The following MYT1 variants were observed in gnomAD, a reference collection of about 807,000 sequenced individuals.
MYT1 encodes the protein myelin transcription factor I.
Under a neutral mutation model 123.0 loss-of-function variants are expected in MYT1, and 23 were observed. The observed-to-expected ratio is 0.19, with a 90% CI of 0.13 to 0.26. MYT1 has a LOEUF of 0.26. Ranked by LOEUF, MYT1 falls within the 10% of genes least tolerant of loss-of-function variation. MYT1 has a pLI of 1.00. For synonymous variants in MYT1, 518 were observed against 575.3 expected (o/e 0.90, Z 1.43); for missense variants, 1,125 against 1,472.5 (o/e 0.76, Z 3.86).
At position 64,189,146 on chromosome 20, in the gene MYT1, A is replaced by G. The variant is rs1163296738; in HGVS notation, c.-98-917A>G. Reference sequence around the variant, plus strand: ...GAATTGCATTTGGGGATGCACATCAAAAACACGAGGAAAAGAAAGAAAGTG... The same window carrying G: ...GAATTGCATTTGGGGATGCACATCAGAAACACGAGGAAAAGAAAGAAAGTG... On this transcript the variant is annotated intron_variant, in intron 1 of 22. Coordinates refer to ENST00000328439, the MANE Select transcript of MYT1 (RefSeq NM_004535.3). The surrounding 1 kb of genome is among the most constrained non-coding windows in gnomAD (Gnocchi z 5.5). 2.0e-5 allele frequency among the ~76,000 whole-genome samples: 3 copies of G among 152,254 alleles called. No individual in the cohort carries two copies. Among genetic ancestry groups the G allele is most frequent in the Non-Finnish European group, 4.4e-5 (3 of 68,040 alleles).
At chr20:64,180,703 C>G (rs1223072954) in intron 1 of MYT1, among the ~76,000 whole-genome samples, 1 of 152,246 alleles carries the variant, frequency 6.6e-6, no homozygotes, top group Non-Finnish European at 1.5e-5. Context: ...GGCTCCAGAA[C>G]TGGACCTTTT....
At chr20:64,233,185 C>T (rs1223257162) in intron 19 of MYT1, among the ~76,000 whole-genome samples, 9 of 107,840 alleles carry the variant, frequency 8.3e-5, no homozygotes, top group Non-Finnish European at 1.5e-4. Context: ...CCCCTCTCCC[C>T]TTTCCTCCCC....
Position 64,198,928 on chromosome 20 carries a change from C to G in MYT1, c.55+12C>G. ...CAAGGCCCTGCGAGGTGAGTGCCGCCCTCCCCTCCTCCAGGGCTGTAAATG... is the reference window on the plus strand; with the variant it reads ...CAAGGCCCTGCGAGGTGAGTGCCGCGCTCCCCTCCTCCAGGGCTGTAAATG... On this transcript the variant is annotated intron_variant, in intron 3 of 22. Coordinates refer to ENST00000328439, the MANE Select transcript of MYT1 (RefSeq NM_004535.3). 6 of 1,613,688 alleles carry G rather than the reference C, an allele frequency of 3.7e-6. No individual in the cohort carries two copies. Among genetic ancestry groups the G allele is most frequent in the Non-Finnish European group, 5.1e-6 (6 of 1,179,634 alleles).
chr20:64,223,472 C>A (rs1984072855), intron 16 of MYT1, 113 bp downstream of exon 16: 2 of 1,198,128 alleles, frequency 1.7e-6, no homozygotes. Flanking sequence ...CCTCAGCTGG[C>A]CCCAGCTCTC....
intron 2 of MYT1, among the ~76,000 whole-genome samples, chr20:64,194,771 G>A (rs982499376): frequency 6.6e-6 from 1 of 152,188 alleles, no homozygotes; most frequent in Non-Finnish European, 1.5e-5. Context: ...GGTGGAAGTT[G>A]GCACAAAGCC....
In MYT1 at chr20:64,208,276, G is replaced by T. The variant is rs555145333; in HGVS notation, c.1080G>T (p.Lys360Asn). 49 of 1,614,194 alleles carry T rather than the reference G, an allele frequency of 3.0e-5. No homozygotes were observed. The South Asian group carries it at 5.1e-4, about 17-fold the overall frequency. ...AGGACGAGGACACCCACTCCCGGAA[G>T]TCAACAGTCACTGACGAGTCGGAGA... The part of the protein sequence containing the change: ...DDKDEDTHSR[K>N]STVTDESEMQ... Residue 360 changes from lysine to asparagine, a missense_variant, in exon 7 of 23, where the codon AAG (lysine) becomes AAT (asparagine). Transcript: ENST00000328439. The surrounding 1 kb of genome is among the most constrained non-coding windows in gnomAD (Gnocchi z 5.4).
At chr20:64,176,613 C>A (rs1982463315) in intron 1 of MYT1, among the ~76,000 whole-genome samples, 1 of 152,238 alleles carries the variant, frequency 6.6e-6, no homozygotes, top group South Asian at 2.1e-4. Flanking sequence ...AGCATTGAAC[C>A]CCACTTGGAG....
chr20:64,223,188 C>G lies in MYT1; in HGVS notation c.2459+15C>G. 3 of 1,614,196 alleles carry G rather than the reference C, an allele frequency of 1.9e-6. No individual in the cohort carries two copies. Among genetic ancestry groups the G allele is most frequent in the Non-Finnish European group, 2.5e-6 (3 of 1,180,032 alleles). On this transcript the variant is annotated intron_variant, in intron 15 of 22. Coordinates refer to ENST00000328439, the MANE Select transcript of MYT1 (RefSeq NM_004535.3). ...TCCCACCGCAGGTTTGTCTCCTGCT[C>G]GGGTCCGTCTGGCCTGGGTGCTTCG... is the stretch of plus-strand genomic sequence containing the variant.
Position 64,232,189 on chromosome 20 carries a change from C to T in MYT1, c.2701C>T (p.Leu901Phe). The T allele has an allele frequency of 6.2e-7, 1 of 1,613,098 alleles. No homozygotes were observed. The highest frequency in any genetic ancestry group is 8.5e-7 in the Non-Finnish European group (1 of 1,179,986). The change falls in exon 19 of 23, where the codon CTC becomes TTC. Residue 901 changes from leucine to phenylalanine, a missense_variant. Around this residue, in one of 4 missense-constraint regions of MYT1, gnomAD observed 243 missense variants for 323.1 expected, o/e 0.75. Coordinates refer to ENST00000328439, the MANE Select transcript of MYT1 (RefSeq NM_004535.3). The surrounding 1 kb of genome is among the most constrained non-coding windows in gnomAD (Gnocchi z 6.9). Reference sequence around the variant, plus strand: ...GTGCCCAGTTCCAGGCTGTGTGGGGCTCGGTCACATCAGCGGGAAATACGC... The same window carrying T: ...GTGCCCAGTTCCAGGCTGTGTGGGGTTCGGTCACATCAGCGGGAAATACGC... ...MKCPVPGCVGLGHISGKYASH... is the reference protein window; with the variant it reads ...MKCPVPGCVGFGHISGKYASH...
In MYT1 at chr20:64,213,629, A is replaced by G. The variant is rs11696694; in HGVS notation, c.1613A>G (p.Asn538Ser). 2 of 1,614,028 alleles carry G rather than the reference A, an allele frequency of 1.2e-6. No individual in the cohort carries two copies. Among genetic ancestry groups the G allele is most frequent in the African/African-American group, 1.3e-5 (1 of 75,030 alleles). Residue 538 changes from asparagine to serine, a missense_variant, in exon 10 of 23, where the codon AAT (asparagine) becomes AGT (serine). Transcript: ENST00000328439. This position sits in a 1 kb window ranked among gnomAD's most constrained non-coding sequence, Gnocchi z 5.6. Reference sequence around the variant, plus strand: ...GGAGATCCTTCCAAGAGTAGCTCCAATTCCGATCGGATCCTCAGGTGAGTG... The same window carrying G: ...GGAGATCCTTCCAAGAGTAGCTCCAGTTCCGATCGGATCCTCAGGTGAGTG... ...QTGDPSKSSSNSDRILRPMCF... is the reference protein window; with the variant it reads ...QTGDPSKSSSSSDRILRPMCF...
At chr20:64,181,080 G>A (rs1982640551) in intron 1 of MYT1, among the ~76,000 whole-genome samples, 1 of 152,176 alleles carries the variant, frequency 6.6e-6, no homozygotes, top group Admixed American at 6.5e-5. Flanking sequence ...TGCTGCTCTG[G>A]AGCAATGTGA....
chr20:64,225,845 T>G (rs1344105863), intron 16 of MYT1, among the ~76,000 whole-genome samples: 3 of 152,146 alleles, frequency 2.0e-5, no homozygotes, highest in African/African-American at 7.2e-5. Context: ...TAGTGAGGAC[T>G]GCAGGATGGC....
chr20:64,194,275 C>T (rs186815185), intron 2 of MYT1, among the ~76,000 whole-genome samples: 17 of 152,314 alleles, frequency 1.1e-4, no homozygotes, highest in Admixed American at 1.1e-3. Context: ...GTGCTGGCCA[C>T]CTAAGAATGC....
chr20:64,216,709 TACTC>T (rs1215855371), intron 10 of MYT1, among the ~76,000 whole-genome samples: 2 of 152,244 alleles, frequency 1.3e-5, no homozygotes, highest in Admixed American at 6.5e-5. Flanking sequence ...CCCTGCCTGA[TACTC>T]ACTCCAGTTG....
intron 10 of MYT1, 111 bp from the exon 11 acceptor site, chr20:64,216,956 T>C: frequency 9.9e-7 from 1 of 1,014,844 alleles, no homozygotes; most frequent in South Asian, 1.4e-5. Context: ...GTCTCCTTCC[T>C]CACCAGACGC....
intron 16 of MYT1, among the ~76,000 whole-genome samples, chr20:64,224,692 C>G (rs1217244405): frequency 6.6e-6 from 1 of 152,198 alleles, no homozygotes; most frequent in Non-Finnish European, 1.5e-5. Context: ...CTGGGACTGT[C>G]CTCTCTCCCT....
chr20:64,195,563 T>A (rs569651077), intron 2 of MYT1, among the ~76,000 whole-genome samples: 1 of 151,984 alleles, frequency 6.6e-6, no homozygotes, highest in Non-Finnish European at 1.5e-5. Context: ...ACCCAACTAA[T>A]TTTTGTATTT....
In MYT1 at chr20:64,183,509, C is replaced by T. The variant is rs60175261; in HGVS notation, c.-98-6554C>T. On this transcript the variant is annotated intron_variant, in intron 1 of 22. Transcript: ENST00000328439. ...CATCAGCATTCTATGAGGGTTCTTG[C>T]CAACACTTGTTACTATCTGTTTATC... Among the ~76,000 whole-genome samples the T allele has an allele frequency of 5.4e-3, 822 of 152,284 alleles. 5 individuals carry two copies. Among genetic ancestry groups the T allele is most frequent in the East Asian group, 9.5e-3 (49 of 5,178 alleles).
In MYT1 at chr20:64,227,484, C is replaced by T; in HGVS notation, c.2591+7C>T. On this transcript the variant is annotated splice_region_variant and intron_variant, in intron 17 of 22. Transcript: ENST00000328439. ...ACTACGCTTCACACCGGAGGTGAGC[C>T]TGCCACACCCTCAGGTCCTGGGCCC... The T allele has an allele frequency of 6.2e-7, 1 of 1,611,940 alleles. No individual in the cohort carries two copies. Among genetic ancestry groups the T allele is most frequent in the South Asian group, 1.1e-5 (1 of 91,010 alleles).
Sources: allele counts gnomAD v4.1 joint callset (sites outside exome capture counted in the v4.1 genomes callset), GRCh38; gene constraint gnomAD v4.1.1; regional missense constraint gnomAD v4.1.1; non-coding constraint Gnocchi (gnomAD v3.1); transcripts MANE v1.5; gene names NCBI Gene and HGNC (gene_info 2026-07-23, HGNC 2026-07-21).